ARFGAP3: variants seen among roughly 807,000 people sequenced by gnomAD.
The protein encoded by ARFGAP3 is ADP-ribosylation factor GTPase-activating protein 3.
In ARFGAP3, 72 loss-of-function variants were observed where a neutral mutation model predicts 75.0. That is an observed-to-expected ratio of 0.96 (90% CI 0.79 to 1.17). The LOEUF (loss-of-function observed/expected upper bound fraction) is 1.17, where lower values mean the gene tolerates loss of function less well. Among genes scored for constraint, ARFGAP3 ranks in the 50% most tolerant of loss-of-function variants. The pLI is 0.00. For missense variants in ARFGAP3, 620 were observed against 626.6 expected, an observed-to-expected ratio of 0.99 and a Z score of 0.11; for synonymous variants, 221 against 217.9, an observed-to-expected ratio of 1.01 and a Z score of -0.13.
chr22:42,817,775 T>A lies in ARFGAP3; in HGVS notation c.895A>T (p.Asn299Tyr). Residue 299 changes from asparagine (N) to tyrosine (Y), a missense_variant, in exon 10 of 16, where the codon AAT becomes TAT. Coordinates refer to ENST00000263245, the MANE Select transcript of ARFGAP3 (RefSeq NM_014570.5). ...DEKMNISGKK[N>Y]VDSDRLGMGF... ...ATGCCGAGTCTGTCTGAGTCAACAT[T>A]TTTTTTGCCACTAATGTTCATCTTT... The A allele has an allele frequency of 2.5e-6, 4 of 1,613,570 alleles. No homozygotes were observed. Among genetic ancestry groups the A allele is most frequent in the Non-Finnish European group, 3.4e-6 (4 of 1,179,800 alleles).
chr22:42,837,153 G>C (rs766290768), intron 3 of ARFGAP3, among the ~76,000 whole-genome samples: 1 of 152,128 alleles, frequency 6.6e-6, no homozygotes, highest in African/African-American at 2.4e-5. Flanking sequence ...CATGATAATG[G>C]GCAAAGGTTT....
rs1193845584 is a variant in ARFGAP3, at chr22:42,812,525, T to A, written c.1065-1581A>T. On this transcript the variant is annotated intron_variant, in intron 11 of 15. Coordinates refer to ENST00000263245, the MANE Select transcript of ARFGAP3 (RefSeq NM_014570.5). ...CACAGAAGATGCAGATCATAGGAGG[T>A]CAGAGGGGCCAGTAACCAAAGGCCA... 5.3e-5 allele frequency among the ~76,000 whole-genome samples: 8 copies of A among 151,704 alleles called. No homozygotes were observed. In the East Asian group the frequency reaches 1.4e-3, roughly 26 times the overall value.
chr22:42,799,438 G>T (rs1924758586), intron 14 of ARFGAP3, among the ~76,000 whole-genome samples: 2 of 152,170 alleles, frequency 1.3e-5, no homozygotes, highest in African/African-American at 4.8e-5. Flanking sequence ...TGCCTCTAGA[G>T]AAGTTCCTTG....
intron 11 of ARFGAP3, among the ~76,000 whole-genome samples, chr22:42,814,490 G>A (rs1260033803): frequency 6.6e-6 from 1 of 152,224 alleles, no homozygotes; most frequent in Non-Finnish European, 1.5e-5. Context: ...TATGCCATCT[G>A]CTCCCAGGTT....
intron 5 of ARFGAP3, among the ~76,000 whole-genome samples, chr22:42,833,721 A>T (rs1206548829): frequency 6.6e-6 from 1 of 151,704 alleles, no homozygotes; most frequent in African/African-American, 2.4e-5. Context: ...ACACCATTGC[A>T]CTCCACCCTA....
chr22:42,824,760 A>T (rs1000709818), intron 7 of ARFGAP3, among the ~76,000 whole-genome samples: 2 of 152,052 alleles, frequency 1.3e-5, no homozygotes, highest in Non-Finnish European at 2.9e-5. Context: ...CGTGGTGCTG[A>T]GGTTTGGGCT....
chr22:42,846,991 C>CA (rs372491643), intron 2 of ARFGAP3, among the ~76,000 whole-genome samples: 1 of 152,262 alleles, frequency 6.6e-6, no homozygotes, highest in African/African-American at 2.4e-5. Context: ...CTGTAGAGTC[C>CA]AGAGGCAGCA....
At chr22:42,848,211 T>C (rs1354599377) in intron 1 of ARFGAP3, among the ~76,000 whole-genome samples, 3 of 151,654 alleles carry the variant, frequency 2.0e-5, no homozygotes, top group Non-Finnish European at 4.4e-5. Flanking sequence ...ATATATATAT[T>C]TATCTATTTA....
chr22:42,821,494 G>A (rs1338798239), intron 9 of ARFGAP3, among the ~76,000 whole-genome samples: 1 of 152,168 alleles, frequency 6.6e-6, no homozygotes, highest in Non-Finnish European at 1.5e-5. Context: ...GATCTTTTAT[G>A]ACTGGCTTCT....
intron 6 of ARFGAP3, chr22:42,827,256 A>T: frequency 9.1e-6 from 2 of 219,872 alleles, no homozygotes; most frequent in Non-Finnish European, 1.5e-5. Flanking sequence ...ACGATTCAAA[A>T]TTCTACCTTA....
chr22:42,849,263 A>T (rs1284204050), intron 1 of ARFGAP3, among the ~76,000 whole-genome samples: 1 of 152,176 alleles, frequency 6.6e-6, no homozygotes, highest in African/African-American at 2.4e-5. Context: ...GTTGGGGGTG[A>T]TCTGATACAC....
intron 3 of ARFGAP3, among the ~76,000 whole-genome samples, chr22:42,837,002 T>A (rs989362844): frequency 5.9e-5 from 9 of 152,124 alleles, no homozygotes; most frequent in African/African-American, 2.2e-4. Flanking sequence ...CCTCCCCATG[T>A]CCCCCAACCC....
chr22:42,810,962 C>T lies in ARFGAP3; in HGVS notation c.1065-18G>A, dbSNP rs201969898. 3.2e-4 allele frequency: 509 copies of T among 1,611,830 alleles called. No homozygotes were observed. Among genetic ancestry groups the T allele is most frequent in the Non-Finnish European group, 4.0e-4 (472 of 1,179,054 alleles). ...CAAAGTAACTGTAGGAGCAAGAGTA[C>T]AACAGTGACTTTGGAGGTCCTTGTT... On this transcript the variant is annotated intron_variant, in intron 11 of 15. Transcript: ENST00000263245.
chr22:42,835,980 C>CTTTTTTT (rs545758118), intron 3 of ARFGAP3, among the ~76,000 whole-genome samples: 1 of 105,728 alleles, frequency 9.5e-6, no homozygotes, highest in African/African-American at 3.8e-5. Flanking sequence ...CCATTTCTTT[C>CTTTTTTT]TTTTTTTTTT....
At chr22:42,798,851 C>T (rs982309950) in intron 15 of ARFGAP3, among the ~76,000 whole-genome samples, 188 bp downstream of exon 15, 8 of 152,084 alleles carry the variant, frequency 5.3e-5, no homozygotes, top group South Asian at 2.1e-4. Flanking sequence ...TAGAGTCATC[C>T]GTTAGAAAAT....
intron 9 of ARFGAP3, among the ~76,000 whole-genome samples, chr22:42,818,829 T>C (rs547149736): frequency 1.3e-5 from 2 of 149,152 alleles, no homozygotes; most frequent in Admixed American, 1.4e-4. Flanking sequence ...TTTCTGTTTT[T>C]TGAAATGGAG....
chr22:42,812,224 CAAAAAAA>C (rs3046479), intron 11 of ARFGAP3, among the ~76,000 whole-genome samples: 3 of 56,630 alleles, frequency 5.3e-5, no homozygotes, highest in East Asian at 1.1e-3. Flanking sequence ...GATACTGTCT[CAAAAAAA>C]AAAAAAAAAA....
chr22:42,821,809 A>C (rs1156700159), intron 9 of ARFGAP3, among the ~76,000 whole-genome samples: 2 of 152,198 alleles, frequency 1.3e-5, no homozygotes, highest in Non-Finnish European at 2.9e-5. Context: ...AAGGACTGCC[A>C]AACTGTTTTT....
intron 6 of ARFGAP3, 112 bp downstream of exon 6, chr22:42,831,437 G>A: frequency 3.6e-6 from 4 of 1,113,462 alleles, no homozygotes; most frequent in Non-Finnish European, 5.2e-6. Context: ...CTCGCAAAGT[G>A]CTGGGATTAC....
Sources: allele counts gnomAD v4.1 joint callset (sites outside exome capture counted in the v4.1 genomes callset), GRCh38; gene constraint gnomAD v4.1.1; transcripts MANE v1.5; gene names NCBI Gene and HGNC (gene_info 2026-07-23, HGNC 2026-07-21).